The following SPAG16 variants were observed in gnomAD, a reference collection of about 807,000 sequenced individuals.
SPAG16 encodes sperm associated antigen 16, also known as sperm-associated antigen 16 protein.
In SPAG16, 86 loss-of-function variants were observed where a neutral mutation model predicts 80.4. The observed-to-expected ratio is 1.07, with a 90% CI of 0.90 to 1.28. The LOEUF is 1.28. SPAG16 is among the 50% of genes most tolerant of loss of function. The pLI, the probability that SPAG16 is intolerant of heterozygous loss-of-function variation, is 0.00. For synonymous variants in SPAG16, 294 were observed against 265.9 expected, an observed-to-expected ratio of 1.11 and a Z score of -1.03; for missense variants, 870 against 765.3, an observed-to-expected ratio of 1.14 and a Z score of -1.61.
At chr2:213,757,859 G>A (rs1454935726) in intron 10 of SPAG16, among the ~76,000 whole-genome samples, 4 of 151,980 alleles carry the variant, frequency 2.6e-5, no homozygotes, top group African/African-American at 9.7e-5. Flanking sequence ...AAAGATGGAC[G>A]CAAAGAGGTG....
intron 10 of SPAG16, among the ~76,000 whole-genome samples, chr2:213,512,636 A>T (rs1473908873): frequency 6.6e-6 from 1 of 152,078 alleles, no homozygotes; most frequent in Non-Finnish European, 1.5e-5. Context: ...AAACCAAGAG[A>T]TTAAGAGCCC....
chr2:213,818,010 G>A (rs568460563), intron 10 of SPAG16, among the ~76,000 whole-genome samples: 3 of 152,204 alleles, frequency 2.0e-5, no homozygotes, highest in East Asian at 1.9e-4. Flanking sequence ...ACTGGAAGGC[G>A]TTAAATGCTG....
At chr2:214,247,849 G>C (rs1689960919) in intron 15 of SPAG16, among the ~76,000 whole-genome samples, 1 of 151,994 alleles carries the variant, frequency 6.6e-6, no homozygotes, top group African/African-American at 2.4e-5. Context: ...TTGGGCAACA[G>C]AGTGAGACCC....
Position 213,680,434 on chromosome 2 carries a change from T to TAAA in SPAG16, c.1071-182039_1071-182037dup, listed in dbSNP as rs35027044. ...AGGAACAAATACCTTCTCTAGTAGT[T>TAAA]AAAAAAAAAAAAAAGATGTTTTATT... On this transcript the variant is annotated intron_variant, in intron 10 of 15. Transcript: ENST00000331683. Among the ~76,000 whole-genome samples the TAAA allele has an allele frequency of 4.6e-3, 671 of 144,756 alleles. 7 individuals carry two copies. The highest frequency in any genetic ancestry group is 0.014 in the African/African-American group (538 of 39,614). The allele number at this position is 144,756 out of a possible 152,430, so 95.0% of individuals were successfully genotyped here.
intron 10 of SPAG16, among the ~76,000 whole-genome samples, chr2:213,858,091 C>T (rs1575374589): frequency 6.6e-6 from 1 of 152,162 alleles, no homozygotes; most frequent in Admixed American, 6.5e-5. Context: ...ATGGAATCTA[C>T]TCCTGGGTGA....
rs537085869 is a variant in SPAG16, at chr2:213,665,932, C to A, written c.1070+175842C>A. Among the ~76,000 whole-genome samples, 8 of 152,144 alleles carry A rather than the reference C, an allele frequency of 5.3e-5. No individual in the cohort carries two copies. The East Asian group carries it at 1.4e-3, about 26-fold the overall frequency. On this transcript the variant is annotated intron_variant, in intron 10 of 15. Coordinates refer to ENST00000331683, the MANE Select transcript of SPAG16 (RefSeq NM_024532.5). ...AAGCAAAATGATGCAAAACACCTGG[C>A]ACTAGAAAGACCATGAAAAGGACAC...
At chr2:213,462,833 A>C (rs1050109570) in intron 9 of SPAG16, among the ~76,000 whole-genome samples, 1 of 152,200 alleles carries the variant, frequency 6.6e-6, no homozygotes, top group African/African-American at 2.4e-5. Flanking sequence ...GAATGGACTA[A>C]TGGACTAATA....
At chr2:213,766,654 T>G (rs2068952917) in intron 10 of SPAG16, among the ~76,000 whole-genome samples, 1 of 151,978 alleles carries the variant, frequency 6.6e-6, no homozygotes, top group South Asian at 2.1e-4. Context: ...GCTCTAGTAG[T>G]TTTATGAGCC....
chr2:214,074,333 T>C (rs1176741210), intron 13 of SPAG16, among the ~76,000 whole-genome samples: 1 of 152,190 alleles, frequency 6.6e-6, no homozygotes, highest in Non-Finnish European at 1.5e-5. Context: ...ATGAATGATA[T>C]AGGATCAATT....
At chr2:213,928,427 C>G (rs1244349026) in intron 11 of SPAG16, among the ~76,000 whole-genome samples, 1 of 151,914 alleles carries the variant, frequency 6.6e-6, no homozygotes, top group East Asian at 1.9e-4. Flanking sequence ...ATGAGAATAT[C>G]CTCATTATAT....
chr2:213,335,025 C>T (rs1425935965), intron 5 of SPAG16, among the ~76,000 whole-genome samples: 2 of 152,014 alleles, frequency 1.3e-5, no homozygotes, highest in Non-Finnish European at 2.9e-5. Flanking sequence ...CACATGCATG[C>T]CTGTTTCAAA....
chr2:213,324,413 C>T (rs2063757804), intron 5 of SPAG16, among the ~76,000 whole-genome samples: 1 of 152,172 alleles, frequency 6.6e-6, no homozygotes. Flanking sequence ...AAGTTTTCCT[C>T]ATGTCCCTTC....
intron 9 of SPAG16, among the ~76,000 whole-genome samples, chr2:213,393,020 G>T (rs908963672): frequency 1.3e-5 from 2 of 151,944 alleles, no homozygotes; most frequent in Non-Finnish European, 2.9e-5. Context: ...CAAATAAACA[G>T]AAATACTTAC....
At chr2:213,460,338 A>G (rs924404487) in intron 9 of SPAG16, among the ~76,000 whole-genome samples, 1 of 152,182 alleles carries the variant, frequency 6.6e-6, no homozygotes, top group Non-Finnish European at 1.5e-5. Context: ...TTGAGCTTGT[A>G]ATTAGTTGAT....
At chr2:213,449,579 C>T (rs2071564217) in intron 9 of SPAG16, among the ~76,000 whole-genome samples, 1 of 152,140 alleles carries the variant, frequency 6.6e-6, no homozygotes. Context: ...CTCTTTATTT[C>T]TCAGCTGGCT....
chr2:213,328,448 G>A (rs779026604), intron 5 of SPAG16, among the ~76,000 whole-genome samples: 1 of 152,074 alleles, frequency 6.6e-6, no homozygotes, highest in Non-Finnish European at 1.5e-5. Flanking sequence ...GAGAATTCAA[G>A]TGAGGTTCTT....
At chr2:213,752,215 T>C (rs547474209) in intron 10 of SPAG16, among the ~76,000 whole-genome samples, 5 of 152,352 alleles carry the variant, frequency 3.3e-5, no homozygotes, top group African/African-American at 1.2e-4. Flanking sequence ...GGACTTTGTC[T>C]TCTTAACCTT....
At position 213,349,575 on chromosome 2, in the gene SPAG16, A is replaced by G. The variant is rs78891775; in HGVS notation, c.645-953A>G. ...AATAAATGAAGATATATGACCAAAA[A>G]TATTACATGACTTATATAAAAATGT... On this transcript the variant is annotated intron_variant, in intron 6 of 15. Transcript: ENST00000331683. Among the ~76,000 whole-genome samples the G allele has an allele frequency of 7.2e-4, 110 of 152,280 alleles. 1 individual carries two copies. In the East Asian group the frequency reaches 0.02, roughly 27 times the overall value.
intron 13 of SPAG16, among the ~76,000 whole-genome samples, chr2:214,069,061 T>G (rs1047379138): frequency 2.6e-5 from 4 of 152,190 alleles, no homozygotes; most frequent in Admixed American, 1.3e-4. Context: ...AAAATATATT[T>G]CATAAGATCA....
Sources: allele counts gnomAD v4.1 joint callset (sites outside exome capture counted in the v4.1 genomes callset), GRCh38; gene constraint gnomAD v4.1.1; transcripts MANE v1.5; gene names NCBI Gene and HGNC (gene_info 2026-07-23, HGNC 2026-07-21).